The following SPTA1 variants were observed in gnomAD, a reference collection of about 807,000 sequenced individuals.
The protein encoded by SPTA1 is spectrin alpha chain, erythrocytic 1.
SPTA1 carries 177 observed loss-of-function variants against 324.7 expected under a neutral mutation model. That is an observed-to-expected ratio of 0.55 (90% confidence interval 0.48 to 0.62). The LOEUF (loss-of-function observed/expected upper bound fraction) is 0.62, where lower values mean the gene tolerates loss of function less well. Among genes scored for constraint, SPTA1 ranks in the 20% least tolerant of loss-of-function variants. SPTA1 has a pLI of 0.00. For synonymous variants in SPTA1, 1,195 were observed against 1,041.3 expected, an observed-to-expected ratio of 1.15 and a Z score of -2.84; for missense variants, 3,162 against 2,883.6, an observed-to-expected ratio of 1.10 and a Z score of -2.21.
At chr1:158,656,180 C>T (rs990685790) in intron 20 of SPTA1, among the ~76,000 whole-genome samples, 1 of 151,948 alleles carries the variant, frequency 6.6e-6, no homozygotes, top group Non-Finnish European at 1.5e-5. Context: ...TTTATTCATA[C>T]TTACATATAG....
chr1:158,639,944 T>A lies in SPTA1; in HGVS notation c.4801A>T (p.Lys1601Ter). 1 of 1,613,922 alleles carries A rather than the reference T, an allele frequency of 6.2e-7. No individual in the cohort carries two copies. The highest frequency in any genetic ancestry group is 8.5e-7 in the Non-Finnish European group (1 of 1,179,930). Residue 1601 changes from lysine (K) to a stop codon, truncating the protein, a stop_gained, in exon 34 of 52, where the codon AAG (lysine) becomes TAG (stop). Coordinates refer to ENST00000643759, the MANE Select transcript of SPTA1 (RefSeq NM_003126.4). LOFTEE classifies it high-confidence loss of function. ...TGACGACTGGCCTCATTGAGCTTCT[T>A]CCCTTTGTCATTTGTTCTCTCAAGC... ...HLLERTNDKGKKLNEASRQQR... is the reference protein window; with the variant it reads ...HLLERTNDKG
intron 47 of SPTA1, 134 bp downstream of exon 47, chr1:158,617,403 G>T: frequency 1.4e-6 from 1 of 730,332 alleles, no homozygotes; most frequent in Non-Finnish European, 2.5e-6. Context: ...TATTCATGAT[G>T]TGATGGCCTA....
intron 16 of SPTA1, among the ~76,000 whole-genome samples, chr1:158,664,470 T>C (rs143998583): frequency 2.0e-5 from 3 of 151,934 alleles, no homozygotes; most frequent in East Asian, 1.9e-4. Flanking sequence ...TAAGTAGGAG[T>C]TGAACAATGA....
intron 39 of SPTA1, among the ~76,000 whole-genome samples, chr1:158,630,236 T>C (rs1414831494): frequency 1.3e-5 from 2 of 152,028 alleles, no homozygotes; most frequent in Non-Finnish European, 1.5e-5. Flanking sequence ...TCACACTTCC[T>C]GATTTTAAAA....
chr1:158,653,540 A>C, intron 21 of SPTA1, 115 bp from the exon 22 acceptor site: 2 of 1,387,944 alleles, frequency 1.4e-6, no homozygotes, highest in Non-Finnish European at 2.0e-6. Context: ...AAGATAAGCT[A>C]ACCATGTCTA....
At chr1:158,627,774 T>C in intron 39 of SPTA1, 51 bp from the exon 40 acceptor site, 1 of 1,529,472 alleles carries the variant, frequency 6.5e-7, no homozygotes, top group East Asian at 2.2e-5. Context: ...GGAAAATCTA[T>C]ATTCACTCAT....
intron 47 of SPTA1, among the ~76,000 whole-genome samples, chr1:158,616,303 G>A (rs1456496625): frequency 2.6e-5 from 4 of 152,006 alleles, no homozygotes; most frequent in Non-Finnish European, 4.4e-5. Context: ...AGGTATTATT[G>A]TAAACTATGG....
intron 36 of SPTA1, 66 bp from the exon 37 acceptor site, chr1:158,636,827 C>A (rs1463863261): frequency 1.9e-6 from 3 of 1,608,396 alleles, no homozygotes; most frequent in East Asian, 4.5e-5. Flanking sequence ...ACAGCAATAG[C>A]TTTCTATGAC....
rs1439377093 is a variant in SPTA1 at position 158,647,556 on chromosome 1, C to T, written c.3879G>A (p.Leu1293=). The change falls in exon 27 of 52, where the codon CTG becomes CTA. Residue 1293 remains leucine (L), a synonymous_variant. Transcript: ENST00000643759. ...ESLNEAQKFY[L]FLSKARDLQN... ...CACTCTACCTGGCCTTGCTGAGGAA[C>T]AGGTAGAATTTCTGGGCCTCATTTA... The T allele has an allele frequency of 1.9e-6, 3 of 1,613,366 alleles. No individual in the cohort carries two copies. In the African/African-American group the frequency reaches 4.0e-5, roughly 22 times the overall value.
intron 20 of SPTA1, 123 bp from the exon 21 acceptor site, chr1:158,654,871 C>A: frequency 7.6e-7 from 1 of 1,323,874 alleles, no homozygotes; most frequent in Admixed American, 1.9e-5. Flanking sequence ...GAACCTCTTA[C>A]GTGGCTGCAG....
rs1322304746 is a variant in SPTA1 at position 158,639,662 on chromosome 1, C to A, written c.4900G>T (p.Asp1634Tyr). ...GCTGAAGCCAAGTCCCTGGCCTGAT[C>A]TTTCATGGCCAGCAATGTCTCTGCC... Reference protein sequence around the residue: ...SEAETLLAMKDQARDLASAGN... With the variant: ...SEAETLLAMKYQARDLASAGN... The change falls in exon 35 of 52, where the codon GAT (aspartate) becomes TAT (tyrosine). Residue 1634 changes from aspartate (D) to tyrosine (Y), a missense_variant. Physicochemically the swap from Asp to Tyr is radical, Grantham distance 160. Transcript: ENST00000643759. The A allele has an allele frequency of 1.2e-6, 2 of 1,613,776 alleles. No homozygotes were observed. Among genetic ancestry groups the A allele is most frequent in the Non-Finnish European group, 1.7e-6 (2 of 1,179,916 alleles).
chr1:158,684,698 A>T (rs1023852704), intron 2 of SPTA1, among the ~76,000 whole-genome samples: 14 of 152,122 alleles, frequency 9.2e-5, no homozygotes, highest in Non-Finnish European at 1.6e-4. Flanking sequence ...AAAAAAATTG[A>T]TGTAATTTTT....
At position 158,666,089 on chromosome 1, in the gene SPTA1, T is replaced by C. The variant is rs552891084; in HGVS notation, c.2220+227A>G. 3.9e-5 allele frequency among the ~76,000 whole-genome samples: 6 copies of C among 152,236 alleles called. No homozygotes were observed. In the East Asian group the frequency reaches 1.2e-3, roughly 29 times the overall value. On this transcript the variant is annotated intron_variant, in intron 16 of 51. Transcript: ENST00000643759. ...CAGTTGGTTTACTAAAAATTTCGAATTTTTACCTTTGGTTCTTTGCTCTTT... is the reference window on the plus strand; with the variant it reads ...CAGTTGGTTTACTAAAAATTTCGAACTTTTACCTTTGGTTCTTTGCTCTTT...
intron 16 of SPTA1, among the ~76,000 whole-genome samples, chr1:158,665,989 T>C (rs1653567603): frequency 6.6e-6 from 1 of 152,106 alleles, no homozygotes; most frequent in Non-Finnish European, 1.5e-5. Context: ...AGCCTTACAC[T>C]AACCATGAGG....
chr1:158,615,130 G>A, intron 48 of SPTA1, 86 bp downstream of exon 48: 3 of 1,488,066 alleles, frequency 2.0e-6, no homozygotes, highest in Non-Finnish European at 2.8e-6. Context: ...CTTTTATCTG[G>A]TGCACCAAAC....
chr1:158,685,468 G>A (rs933597464), intron 1 of SPTA1, 121 bp from the exon 2 acceptor site: 27 of 1,381,554 alleles, frequency 2.0e-5, no homozygotes, highest in Non-Finnish European at 2.6e-5. Context: ...GAAGTTTCTA[G>A]GGACTATTGT....
chr1:158,620,693 C>A, intron 43 of SPTA1: 1 of 500,612 alleles, frequency 2.0e-6, no homozygotes, highest in Non-Finnish European at 3.5e-6. Context: ...TTGTTTAAGT[C>A]TTTCATCATT....
At chr1:158,685,377 T>A (rs763741536) in intron 1 of SPTA1, 30 bp from the exon 2 acceptor site, 9 of 1,609,200 alleles carry the variant, frequency 5.6e-6, no homozygotes, top group Non-Finnish European at 6.8e-6. Context: ...TGTTACTTGC[T>A]AGTTCTCAAA....
intron 1 of SPTA1, among the ~76,000 whole-genome samples, chr1:158,686,185 C>T (rs1655160502): frequency 6.6e-6 from 1 of 152,168 alleles, no homozygotes; most frequent in Admixed American, 6.5e-5. Context: ...CTGTGAATTG[C>T]CATTACTGGC....
Sources: allele counts gnomAD v4.1 joint callset (sites outside exome capture counted in the v4.1 genomes callset), GRCh38; gene constraint gnomAD v4.1.1; transcripts MANE v1.5; gene names NCBI Gene and HGNC (gene_info 2026-07-23, HGNC 2026-07-21).